The following RBM27 variants were observed in gnomAD, a reference collection of about 807,000 sequenced individuals.
RBM27 encodes RNA binding motif protein 27.
In RBM27, 22 loss-of-function variants were observed where a neutral mutation model predicts 135.3. That is an observed-to-expected ratio of 0.16 (90% confidence interval 0.12 to 0.23). The LOEUF (loss-of-function observed/expected upper bound fraction) is 0.23, where lower values mean the gene tolerates loss of function less well. Among genes scored for constraint, RBM27 ranks in the 10% least tolerant of loss-of-function variants. The pLI is 1.00. For synonymous variants in RBM27, 481 were observed against 442.4 expected (o/e 1.09, Z -1.10); for missense variants, 1,009 against 1,281.0 (o/e 0.79, Z 3.24).
At chr5:146,256,321 T>A (rs1382952139) in intron 10 of RBM27, among the ~76,000 whole-genome samples, 18 of 146,226 alleles carry the variant, frequency 1.2e-4, no homozygotes, top group African/African-American at 3.5e-4. Context: ...ATATATATTT[T>A]TATATATATT....
chr5:146,248,735 T>C (rs1162053214), intron 8 of RBM27, among the ~76,000 whole-genome samples: 3 of 152,074 alleles, frequency 2.0e-5, no homozygotes, highest in Admixed American at 2.0e-4. Context: ...CAAAGTGCTG[T>C]AATCACAGGT....
intron 1 of RBM27, among the ~76,000 whole-genome samples, chr5:146,209,107 C>A (rs1755830062): frequency 6.6e-6 from 1 of 152,032 alleles, no homozygotes; most frequent in Admixed American, 6.6e-5. Context: ...TGCCTTTTAC[C>A]TACGTCACCA....
chr5:146,285,464 A>G (rs959483983), intron 20 of RBM27, among the ~76,000 whole-genome samples: 8 of 152,154 alleles, frequency 5.3e-5, no homozygotes, highest in Non-Finnish European at 1.0e-4. Flanking sequence ...TAGTGTTTGC[A>G]GATACATCTA....
chr5:146,259,068 G>T (rs1292606039), intron 11 of RBM27, among the ~76,000 whole-genome samples: 1 of 151,654 alleles, frequency 6.6e-6, no homozygotes, highest in Non-Finnish European at 1.5e-5. Flanking sequence ...GCCCAAAATA[G>T]GTATTTCTAA....
intron 2 of RBM27, among the ~76,000 whole-genome samples, chr5:146,219,408 G>A (rs1581147214): frequency 6.6e-6 from 1 of 152,284 alleles, no homozygotes; most frequent in Non-Finnish European, 1.5e-5. Context: ...TAAGGATAAT[G>A]AAGATGCTTA....
chr5:146,220,029 G>A (rs1756377890), intron 2 of RBM27, among the ~76,000 whole-genome samples: 4 of 152,038 alleles, frequency 2.6e-5, no homozygotes, highest in South Asian at 4.2e-4. Flanking sequence ...CCCTGTGCCT[G>A]ACTCCTGTTT....
chr5:146,278,798 T>A (rs968597352), intron 19 of RBM27, among the ~76,000 whole-genome samples: 2 of 151,856 alleles, frequency 1.3e-5, no homozygotes, highest in African/African-American at 4.8e-5. Context: ...CTGAGCTCAC[T>A]GCATGCTCCG....
intron 1 of RBM27, among the ~76,000 whole-genome samples, chr5:146,207,985 C>T (rs1448583152): frequency 1.1e-5 from 1 of 89,998 alleles, no homozygotes; most frequent in African/African-American, 4.5e-5. Flanking sequence ...AAGACGGAGT[C>T]TTGCTCTGTT....
chr5:146,230,112 A>G (rs1342305841), intron 5 of RBM27, among the ~76,000 whole-genome samples: 9 of 152,228 alleles, frequency 5.9e-5, no homozygotes, highest in Admixed American at 4.6e-4. Context: ...TTGATTAAAA[A>G]GGAGCTATTC....
At chr5:146,241,431 A>C (rs1561542813) in intron 8 of RBM27, among the ~76,000 whole-genome samples, 1 of 152,244 alleles carries the variant, frequency 6.6e-6, no homozygotes, top group Non-Finnish European at 1.5e-5. Context: ...TTTTATTTAA[A>C]AGTAAGACTA....
At chr5:146,218,112 T>C (rs1235248168) in intron 1 of RBM27, among the ~76,000 whole-genome samples, 1 of 152,110 alleles carries the variant, frequency 6.6e-6, no homozygotes, top group African/African-American at 2.4e-5. Flanking sequence ...GTGTTATTTA[T>C]GTATTCATCA....
At chr5:146,277,296 G>C (rs1000933950) in intron 19 of RBM27, among the ~76,000 whole-genome samples, 1 of 152,050 alleles carries the variant, frequency 6.6e-6, no homozygotes, top group African/African-American at 2.4e-5. Flanking sequence ...TACCCATGCT[G>C]TTTTGGAGTT....
rs1758864115 is a variant in RBM27 at position 146,271,538 on chromosome 5, G to A, written c.2852G>A (p.Gly951Asp). ...VGRGKTMSSQGRGRGRGRGGR... is the reference protein window; with the variant it reads ...VGRGKTMSSQDRGRGRGRGGR... ...CGAGGAAAGACCATGTCCTCTCAAG[G>A]TCGAGGAAGAGGCCGAGGGCGTGGA... is the stretch of plus-strand genomic sequence containing the variant. Residue 951 changes from glycine to aspartate, a missense_variant, in exon 19 of 21, where the codon GGT (glycine) becomes GAT (aspartate). Gly to Asp is a moderately conservative substitution (Grantham distance 94). Around this residue, in one of 6 missense-constraint regions of RBM27, gnomAD observed 355 missense variants for 427.3 expected, o/e 0.83. Transcript: ENST00000265271. 1 of 1,613,652 alleles carries A rather than the reference G, an allele frequency of 6.2e-7. No homozygotes were observed. Among genetic ancestry groups the A allele is most frequent in the African/African-American group, 1.3e-5 (1 of 74,928 alleles).
intron 14 of RBM27, 61 bp from the exon 15 acceptor site, chr5:146,267,588 C>T (rs2963925): frequency 0.27 from 298,038 of 1,101,514 alleles, 41,992 homozygotes; most frequent in South Asian, 0.43. Context: ...AAAAAGTATT[C>T]TAAGCATTTC....
chr5:146,223,671 A>T (rs1320097411), intron 3 of RBM27, 144 bp downstream of exon 3: 38 of 918,928 alleles, frequency 4.1e-5, no homozygotes, highest in Non-Finnish European at 5.7e-5. Context: ...CTTCATCAGG[A>T]TTTCATAGTT....
At chr5:146,259,700 G>A (rs1160461333) in intron 11 of RBM27, among the ~76,000 whole-genome samples, 11 of 150,762 alleles carry the variant, frequency 7.3e-5, no homozygotes, top group African/African-American at 2.4e-5. Context: ...GTGGCCGGGC[G>A]CGGTGGCTCA....
At chr5:146,275,392 C>T (rs947974188) in intron 19 of RBM27, among the ~76,000 whole-genome samples, 1 of 151,696 alleles carries the variant, frequency 6.6e-6, no homozygotes, top group African/African-American at 2.4e-5. Context: ...TACCTCAGTC[C>T]CTCCAGTAGT....
intron 9 of RBM27, among the ~76,000 whole-genome samples, chr5:146,254,570 TAAAAA>T (rs199585285): frequency 1.1e-4 from 17 of 148,964 alleles, no homozygotes; most frequent in African/African-American, 4.2e-4. Flanking sequence ...AAAATAAAAA[TAAAAA>T]AAAACCAGTA....
At chr5:146,257,462 A>G (rs1474401478) in intron 10 of RBM27, among the ~76,000 whole-genome samples, 1 of 152,224 alleles carries the variant, frequency 6.6e-6, no homozygotes, top group Non-Finnish European at 1.5e-5. Flanking sequence ...GAATGCCTTC[A>G]TTTAGATTCA....
Sources: gnomAD v4.1 joint callset for allele counts (sites outside exome capture counted in the v4.1 genomes callset) on GRCh38, gnomAD v4.1.1 for gene constraint, gnomAD v4.1.1 regional missense constraint, MANE v1.5 for transcripts, NCBI Gene and HGNC (gene_info 2026-07-23, HGNC 2026-07-21) for gene names.